Variants in KIR2DL1 observed in about 807,000 individuals in gnomAD.
KIR2DL1 encodes killer cell immunoglobulin like receptor, two Ig domains and long cytoplasmic tail 1.
Under a neutral mutation model 33.9 loss-of-function variants are expected in KIR2DL1, and 38 were observed. The ratio of observed to expected loss-of-function variants is 1.12; its 90% CI spans 0.86 to 1.47. The LOEUF (loss-of-function observed/expected upper bound fraction) is 1.47, where lower values mean the gene tolerates loss of function less well. Ranked by LOEUF, KIR2DL1 falls within the 40% of genes most tolerant of loss-of-function variation. The probability of loss-of-function intolerance (pLI) is 0.00; values close to 1 mark genes in which losing one functional copy is unlikely to be tolerated. For synonymous variants in KIR2DL1, 179 were observed against 165.9 expected, an observed-to-expected ratio of 1.08 and a Z score of -0.61; for missense variants, 531 against 433.9, an observed-to-expected ratio of 1.22 and a Z score of -1.99.
At chr19:54,776,830 T>A (rs1433642617) in intron 4 of KIR2DL1, among the ~76,000 whole-genome samples, 1 of 146,176 alleles carries the variant, frequency 6.8e-6, no homozygotes, top group Non-Finnish European at 1.5e-5. Flanking sequence ...TTAGTATAGA[T>A]GCGGTTTCCC....
At chr19:54,781,413 T>A (rs1438563078) in intron 5 of KIR2DL1, among the ~76,000 whole-genome samples, 1 of 150,414 alleles carries the variant, frequency 6.6e-6, no homozygotes, top group Non-Finnish European at 1.5e-5. Flanking sequence ...ATAGAGAAAG[T>A]GCTCTGGTCA....
chr19:54,776,658 GAGAA>G (rs2076381739), intron 4 of KIR2DL1, among the ~76,000 whole-genome samples: 1 of 106,340 alleles, frequency 9.4e-6, no homozygotes, highest in Non-Finnish European at 2.0e-5. Context: ...TTTCTTTTTT[GAGAA>G]AGAGTTTCCC....
intron 5 of KIR2DL1, among the ~76,000 whole-genome samples, chr19:54,778,926 G>A (rs1341896133): frequency 1.0e-4 from 15 of 147,898 alleles, no homozygotes; most frequent in Non-Finnish European, 1.8e-4. Flanking sequence ...CAGGAAAAAT[G>A]CAATGTTTGT....
chr19:54,782,096 C>A (rs12610317), intron 5 of KIR2DL1, among the ~76,000 whole-genome samples: 2 of 150,952 alleles, frequency 1.3e-5, no homozygotes, highest in African/African-American at 2.5e-5. Flanking sequence ...CAGAAAAGCT[C>A]CTCGGGACAT....
In KIR2DL1 at chr19:54,769,855, C is replaced by A; in HGVS notation, c.5C>A (p.Ser2Ter). ...CCTGTCTGCTCCGGCAGCACCATGT[C>A]GCTCTTGGTCGTCAGCATGGCGTGT... M[S>*]LLVVSMACVG... is the part of the protein sequence containing the mutation. The change falls in exon 1 of 8, where the codon TCG becomes TAG. Residue 2 changes from serine (S) to a stop codon, truncating the protein, a stop_gained. Transcript: ENST00000336077. LOFTEE classifies it high-confidence loss of function. 2.5e-6 allele frequency: 4 copies of A among 1,569,824 alleles called. 1 individual carries two copies. The highest frequency in any genetic ancestry group is 3.5e-6 in the Non-Finnish European group (4 of 1,147,222).
rs1376473529 is a variant in KIR2DL1 at position 54,782,944 on chromosome 19, T to A, written c.738T>A (p.Ile246=). 1 of 1,613,640 alleles carries A rather than the reference T, an allele frequency of 6.2e-7. No homozygotes were observed. The highest frequency in any genetic ancestry group is 8.5e-7 in the Non-Finnish European group (1 of 1,179,896). Residue 246 remains isoleucine (I), a synonymous_variant, in exon 6 of 8, where the codon ATT becomes ATA. Transcript: ENST00000336077. ...SKTGNPRHLH[I]LIGTSVVIIL... ...CAGGTAACCCCCGACACCTGCACAT[T>A]CTGATTGGGACCTCAGTGGTCATCA...
chr19:54,773,367 A>G lies in KIR2DL1; in HGVS notation c.105A>G (p.Pro35=). Residue 35 remains proline, a synonymous_variant, in exon 3 of 8, where the codon CCA becomes CCG. Transcript: ENST00000336077. ...GAAAACCTTCCCTCCTGGCCCACCC[A>G]GGTCGCCTGGTGAAATCAGAAGAGA... ...VHRKPSLLAH[P]GRLVKSEETV... is the part of the protein sequence containing the mutation. 1 of 1,599,720 alleles carries G rather than the reference A, an allele frequency of 6.3e-7. No individual in the cohort carries two copies. The highest frequency in any genetic ancestry group is 1.1e-5 in the South Asian group (1 of 90,552).
intron 4 of KIR2DL1, among the ~76,000 whole-genome samples, chr19:54,778,350 G>C (rs2076583774): frequency 6.7e-6 from 1 of 149,188 alleles, no homozygotes; most frequent in East Asian, 1.9e-4. Flanking sequence ...CTTTCTTTAT[G>C]CCAATGTCAT....
intron 3 of KIR2DL1, among the ~76,000 whole-genome samples, chr19:54,774,189 G>C (rs1445709624): frequency 6.7e-6 from 1 of 148,680 alleles, no homozygotes; most frequent in East Asian, 1.9e-4. Context: ...ACTGGATTCT[G>C]AGGCTCATAT....
At position 54,783,746 on chromosome 19, in the gene KIR2DL1, C is replaced by A. The variant is rs1318139574; in HGVS notation, c.980C>A (p.Thr327Lys). The change falls in exon 8 of 8, where the codon ACA becomes AAA. Residue 327 changes from threonine (T) to lysine (K), a missense_variant. Thr to Lys is a moderately conservative substitution (Grantham distance 78). Coordinates refer to ENST00000336077, the MANE Select transcript of KIR2DL1 (RefSeq NM_014218.3). The part of the protein sequence containing the change: ...RPSQRPKTPP[T>K]DIIVYTELPN... The stretch of plus-strand genomic sequence containing the variant: ...TCTCAGAGGCCCAAGACACCCCCAA[C>A]AGATATCATCGTGTACACGGAACTT... The A allele has an allele frequency of 2.2e-5, 35 of 1,613,890 alleles. No homozygotes were observed. The highest frequency in any genetic ancestry group is 2.0e-4 in the Admixed American group (12 of 59,994).
intron 2 of KIR2DL1, among the ~76,000 whole-genome samples, chr19:54,771,979 A>C (rs1403583457): frequency 1.3e-5 from 2 of 148,250 alleles, no homozygotes; most frequent in African/African-American, 2.5e-5. Context: ...GGGTCCCATC[A>C]TGCAAGTCCT....
chr19:54,774,802 T>C (rs2076137156), intron 3 of KIR2DL1, among the ~76,000 whole-genome samples: 1 of 148,238 alleles, frequency 6.7e-6, no homozygotes, highest in African/African-American at 2.5e-5. Flanking sequence ...AGGCACCGAA[T>C]AGATAAATAG....
chr19:54,771,394 A>T (rs1161714832), intron 2 of KIR2DL1, among the ~76,000 whole-genome samples: 2 of 148,278 alleles, frequency 1.3e-5, no homozygotes, highest in Non-Finnish European at 3.0e-5. Context: ...AAAATCTAGT[A>T]GGAGTCTCTT....
rs747240497 is a variant in KIR2DL1, at chr19:54,783,836, G to A, written c.*23G>A. 2.4e-5 allele frequency: 38 copies of A among 1,613,776 alleles called. No individual in the cohort carries two copies. Among genetic ancestry groups the A allele is most frequent in the Non-Finnish European group, 3.0e-5 (35 of 1,179,926 alleles). ...TGAGCACCACAGTCAGGCCTTGAGGGCGTCTTCTAGGGAGACAACAGCCCT... is the reference window on the plus strand; with the variant it reads ...TGAGCACCACAGTCAGGCCTTGAGGACGTCTTCTAGGGAGACAACAGCCCT... On this transcript the variant is annotated 3_prime_UTR_variant, in exon 8 of 8. Coordinates refer to ENST00000336077, the MANE Select transcript of KIR2DL1 (RefSeq NM_014218.3).
intron 3 of KIR2DL1, 21 bp downstream of exon 3, chr19:54,773,653 T>C: frequency 1.3e-6 from 2 of 1,555,996 alleles, no homozygotes; most frequent in South Asian, 1.1e-5. Flanking sequence ...CCAGACTTTC[T>C]TCTCATTGTC....
rs935043350 is a variant in KIR2DL1 at position 54,771,871 on chromosome 19, C to A, written c.70+987C>A. On this transcript the variant is annotated intron_variant, in intron 2 of 7. Transcript: ENST00000336077. ...CCAGTGGGTGGTCGGCACCCAGCAA[C>A]CCCCTGGAGATCACGGTCACAGGTC... is the stretch of plus-strand genomic sequence containing the variant. Among the ~76,000 whole-genome samples the A allele has an allele frequency of 2.2e-4, 33 of 147,820 alleles. 3 individuals are homozygous for A. The highest frequency in any genetic ancestry group is 7.4e-4 in the African/African-American group (30 of 40,472).
chr19:54,782,941 C>T lies in KIR2DL1; in HGVS notation c.735C>T (p.His245=), dbSNP rs779228079. ...TTCCAGGTAACCCCCGACACCTGCA[C>T]ATTCTGATTGGGACCTCAGTGGTCA... ...SSKTGNPRHL[H]ILIGTSVVII... is the part of the protein sequence containing the mutation. The change falls in exon 6 of 8, where the codon CAC becomes CAT. Residue 245 remains histidine, a synonymous_variant. Coordinates refer to ENST00000336077, the MANE Select transcript of KIR2DL1 (RefSeq NM_014218.3). 741 of 1,612,820 alleles carry T rather than the reference C, an allele frequency of 4.6e-4. 1 individual carries two copies. In the African/African-American group the frequency reaches 4.6e-3, roughly 10 times the overall value.
At chr19:54,772,445 A>G (rs1410862845) in intron 2 of KIR2DL1, among the ~76,000 whole-genome samples, 5 of 145,948 alleles carry the variant, frequency 3.4e-5, no homozygotes, top group African/African-American at 1.3e-4. Context: ...CAGAATTGGA[A>G]GGGGTTAGTG....
In KIR2DL1 at chr19:54,783,704, G is replaced by C; in HGVS notation, c.938G>C (p.Arg313Thr). Reference sequence around the variant, plus strand: ...TTGAATCACTGCGTTTTCACACAGAGAAAAATCACTCGCCCTTCTCAGAGG... The same window carrying C: ...TTGAATCACTGCGTTTTCACACAGACAAAAATCACTCGCCCTTCTCAGAGG... The part of the protein sequence containing the change: ...TQLNHCVFTQ[R>T]KITRPSQRPK... The change falls in exon 8 of 8, where the codon AGA becomes ACA. Residue 313 changes from arginine (R) to threonine (T), a missense_variant. Physicochemically the swap from Arg to Thr is moderately conservative, Grantham distance 71 (BLOSUM62 -1). Coordinates refer to ENST00000336077, the MANE Select transcript of KIR2DL1 (RefSeq NM_014218.3). 6.2e-7 allele frequency: 1 copy of C among 1,613,992 alleles called. No homozygotes were observed. The highest frequency in any genetic ancestry group is 1.1e-5 in the South Asian group (1 of 91,078).
Sources: allele counts gnomAD v4.1 joint callset (sites outside exome capture counted in the v4.1 genomes callset), GRCh38; gene constraint gnomAD v4.1.1; transcripts MANE v1.5; gene names NCBI Gene and HGNC (gene_info 2026-07-23, HGNC 2026-07-21).